The following C10orf71 variants were observed in gnomAD, a reference collection of about 807,000 sequenced individuals.
C10orf71 encodes chromosome 10 open reading frame 71, also known as cardiac-enriched FHL2-interacting protein.
For missense variants in C10orf71, 1,869 were observed against 1,804.5 expected (o/e 1.04, Z -0.65); for synonymous variants, 758 against 726.3 (o/e 1.04, Z -0.70).
intron 1 of C10orf71, among the ~76,000 whole-genome samples, chr10:49,311,219 GAC>G (rs1312418582): frequency 6.6e-6 from 1 of 152,210 alleles, no homozygotes; most frequent in Non-Finnish European, 1.5e-5. Context: ...CTATGGACCT[GAC>G]AAGCTCCTCA....
intron 1 of C10orf71, among the ~76,000 whole-genome samples, chr10:49,310,832 A>T (rs1590328387): frequency 3.9e-5 from 6 of 152,268 alleles, no homozygotes; most frequent in South Asian, 4.1e-4. Context: ...GAAGAAGAAG[A>T]GGAGGAAGTC....
chr10:49,323,476 T>C lies in C10orf71; in HGVS notation c.931T>C (p.Leu311=). ...TCCCAAGCACTATGGGGACACGACC[T>C]TGCTAAGAGAACCCTGTCCTCCTGA... The part of the protein sequence containing the change: ...KAPKHYGDTT[L]LREPCPPERT... Residue 311 remains leucine (L), a synonymous_variant, in exon 3 of 3, where the codon TTG becomes CTG. Transcript: ENST00000374144. 1 of 1,613,866 alleles carries C rather than the reference T, an allele frequency of 6.2e-7. No homozygotes were observed. The highest frequency in any genetic ancestry group is 8.5e-7 in the Non-Finnish European group (1 of 1,179,782).
chr10:49,312,946 G>C (rs745835286), intron 1 of C10orf71, among the ~76,000 whole-genome samples: 1 of 152,214 alleles, frequency 6.6e-6, no homozygotes, highest in Non-Finnish European at 1.5e-5. Flanking sequence ...CCTGTCAAAA[G>C]TGTGAGTAAT....
At chr10:49,301,227 C>A (rs1848723448) in intron 1 of C10orf71, among the ~76,000 whole-genome samples, 2 of 152,190 alleles carry the variant, frequency 1.3e-5, no homozygotes, top group African/African-American at 4.8e-5. Flanking sequence ...GAAGGCCACG[C>A]TACAGGGGCA....
At position 49,324,868 on chromosome 10, in the gene C10orf71, C is replaced by A. The variant is rs756229989; in HGVS notation, c.2323C>A (p.Arg775=). 6.4e-7 allele frequency: 1 copy of A among 1,551,562 alleles called. No homozygotes were observed. Among genetic ancestry groups the A allele is most frequent in the Admixed American group, 2.0e-5 (1 of 50,966 alleles). The change falls in exon 3 of 3, where the codon CGG becomes AGG. Residue 775 remains arginine (R), a synonymous_variant. Coordinates refer to ENST00000374144, the MANE Select transcript of C10orf71 (RefSeq NM_001135196.2). ...SQKDEKENVM[R]KDELQYCALS... is the part of the protein sequence containing the mutation. ...GAAGGATGAGAAGGAGAATGTGATG[C>A]GGAAGGATGAGCTGCAGTACTGTGC... is the stretch of plus-strand genomic sequence containing the variant.
upstream of C10orf71, among the ~76,000 whole-genome samples, chr10:49,297,886 C>A (rs1371297494): frequency 6.6e-6 from 1 of 152,196 alleles, no homozygotes; most frequent in Non-Finnish European, 1.5e-5. Context: ...CTCAAAGCAT[C>A]TCTGAGTGCG....
chr10:49,319,401 C>T (rs1281444928), intron 2 of C10orf71, among the ~76,000 whole-genome samples: 1 of 150,930 alleles, frequency 6.6e-6, no homozygotes, highest in Non-Finnish European at 1.5e-5. Flanking sequence ...AACTGGAACA[C>T]TTGCACAATC....
Position 49,326,763 on chromosome 10 carries a change from G to T in C10orf71, c.4218G>T (p.Gln1406His). The change falls in exon 3 of 3, where the codon CAG (glutamine) becomes CAT (histidine). Residue 1406 changes from glutamine (Q) to histidine (H), a missense_variant. Transcript: ENST00000374144. ...SAGQRPHGPP[Q>H]SPGEEGVEAP... ...GCCAGCGCCCTCATGGTCCTCCCCAGAGCCCAGGAGAGGAGGGTGTAGAAG... is the reference window on the plus strand; with the variant it reads ...GCCAGCGCCCTCATGGTCCTCCCCATAGCCCAGGAGAGGAGGGTGTAGAAG... 3 of 1,551,220 alleles carry T rather than the reference G, an allele frequency of 1.9e-6. No individual in the cohort carries two copies. The highest frequency in any genetic ancestry group is 2.6e-6 in the Non-Finnish European group (3 of 1,147,000).
intron 1 of C10orf71, among the ~76,000 whole-genome samples, chr10:49,308,914 G>C (rs1848863426): frequency 6.6e-6 from 1 of 152,216 alleles, no homozygotes; most frequent in African/African-American, 2.4e-5. Flanking sequence ...CCTGGGGCCA[G>C]AGAGCAGGGC....
In C10orf71 at chr10:49,326,412, C is replaced by T. The variant is rs1442683539; in HGVS notation, c.3867C>T (p.Asp1289=). The change falls in exon 3 of 3, where the codon GAC becomes GAT. Residue 1289 remains aspartate (D), a synonymous_variant. Transcript: ENST00000374144. ...AGTCCGGGGAGTACTTTGTCTTCGA[C>T]TTGCCACTCCAGGTGAAAATCAAGA... is the stretch of plus-strand genomic sequence containing the variant. ...DPQSGEYFVF[D]LPLQVKIKTF... is the part of the protein sequence containing the mutation. 3.9e-6 allele frequency: 6 copies of T among 1,550,562 alleles called. No homozygotes were observed. The East Asian group carries it at 7.3e-5, about 19-fold the overall frequency.
At chr10:49,298,039 G>A (rs139609780), upstream of C10orf71, among the ~76,000 whole-genome samples, 1 of 152,368 alleles carries the variant, frequency 6.6e-6, no homozygotes, top group East Asian at 1.9e-4. Context: ...AGGAGGAGCT[G>A]TTCTTTGTGA....
chr10:49,324,615 C>T lies in C10orf71; in HGVS notation c.2070C>T (p.Asn690=), dbSNP rs748248982. ...CTGAGAGGGAAGCAGGACTTCAGAA[C>T]ACACATTTGAACCAGAAATTCTTCC... ...TEPEREAGLQ[N]THLNQKFFPG... Residue 690 remains asparagine (N), a synonymous_variant, in exon 3 of 3, where the codon AAC becomes AAT. Transcript: ENST00000374144. 2.5e-6 allele frequency: 4 copies of T among 1,613,912 alleles called. No homozygotes were observed. In the South Asian group the frequency reaches 4.4e-5, roughly 18 times the overall value.
intron 1 of C10orf71, among the ~76,000 whole-genome samples, chr10:49,313,941 G>A (rs1848957718): frequency 6.6e-6 from 1 of 152,324 alleles, no homozygotes; most frequent in South Asian, 2.1e-4. Context: ...ACAATCGCCT[G>A]CGTGGTGACT....
intron 2 of C10orf71, among the ~76,000 whole-genome samples, chr10:49,320,444 G>T (rs577882703): frequency 6.6e-6 from 1 of 152,324 alleles, no homozygotes; most frequent in Non-Finnish European, 1.5e-5. Flanking sequence ...CTCTTAGGGT[G>T]GTTCTGGGAT....
upstream of C10orf71, among the ~76,000 whole-genome samples, chr10:49,297,308 CA>C (rs1848655181): frequency 6.6e-6 from 1 of 152,144 alleles, no homozygotes; most frequent in East Asian, 1.9e-4. Context: ...ACATCTGGAA[CA>C]AAATGATTTG....
Position 49,326,806 on chromosome 10 carries a change from A to G in C10orf71, c.4261A>G (p.Ile1421Val). ...EGVEAPGLGI[I>V]STDDLEDFAT... ...TGTAGAAGCTCCAGGCCTGGGCATC[A>G]TCTCCACTGATGACCTAGAGGACTT... The change falls in exon 3 of 3, where the codon ATC (isoleucine) becomes GTC (valine). Residue 1421 changes from isoleucine to valine, a missense_variant. Physicochemically the swap from Ile to Val is conservative, Grantham distance 29. Transcript: ENST00000374144. 1 of 1,549,480 alleles carries G rather than the reference A, an allele frequency of 6.5e-7. No homozygotes were observed. The highest frequency in any genetic ancestry group is 8.7e-7 in the Non-Finnish European group (1 of 1,146,966).
At chr10:49,315,200 A>T (rs886177875) in intron 1 of C10orf71, among the ~76,000 whole-genome samples, 1 of 152,214 alleles carries the variant, frequency 6.6e-6, no homozygotes, top group Non-Finnish European at 1.5e-5. Flanking sequence ...CCACCAATTC[A>T]AGCAATTATG....
In C10orf71 at chr10:49,324,457, G is replaced by C. The variant is rs1484460237; in HGVS notation, c.1912G>C (p.Glu638Gln). 6.2e-7 allele frequency: 1 copy of C among 1,607,158 alleles called. No individual in the cohort carries two copies. The highest frequency in any genetic ancestry group is 8.5e-7 in the Non-Finnish European group (1 of 1,176,604). The change falls in exon 3 of 3, where the codon GAA becomes CAA. Residue 638 changes from glutamate to glutamine, a missense_variant. Glu to Gln is a conservative substitution (Grantham distance 29). Transcript: ENST00000374144. ...ATCCAGCTGGTGTCCAGACTCCAGGGAACACCGCCCCAGGAAACACCTCTC... is the reference window on the plus strand; with the variant it reads ...ATCCAGCTGGTGTCCAGACTCCAGGCAACACCGCCCCAGGAAACACCTCTC... ...AGSSWCPDSR[E>Q]HRPRKHLSLR... is the part of the protein sequence containing the mutation.
At chr10:49,308,226 AC>A (rs1473430853) in intron 1 of C10orf71, among the ~76,000 whole-genome samples, 2 of 152,202 alleles carry the variant, frequency 1.3e-5, no homozygotes, top group African/African-American at 4.8e-5. Context: ...CTGGACTTCT[AC>A]CTGCTACAAG....
Sources: allele counts gnomAD v4.1 joint callset (sites outside exome capture counted in the v4.1 genomes callset), GRCh38; gene constraint gnomAD v4.1.1; transcripts MANE v1.5; gene names NCBI Gene and HGNC (gene_info 2026-07-23, HGNC 2026-07-21).